The following PDS5B variants were observed in gnomAD, a reference collection of about 807,000 sequenced individuals.
PDS5B encodes the protein PDS5 cohesin associated factor B.
A neutral mutation model predicts 184.1 loss-of-function variants in PDS5B; 51 were observed. That is an observed-to-expected ratio of 0.28 (90% CI 0.22 to 0.35). The LOEUF (loss-of-function observed/expected upper bound fraction) is 0.35. Ranked by LOEUF, PDS5B falls within the 10% of genes least tolerant of loss-of-function variation. PDS5B has a pLI of 1.00. For synonymous variants in PDS5B, 566 were observed against 569.2 expected, an observed-to-expected ratio of 0.99 and a Z score of 0.08; for missense variants, 1,180 against 1,723.3, an observed-to-expected ratio of 0.68 and a Z score of 5.58.
At chr13:32,736,736 T>G (rs940378790) in intron 21 of PDS5B, among the ~76,000 whole-genome samples, 1 of 152,138 alleles carries the variant, frequency 6.6e-6, no homozygotes, top group East Asian at 1.9e-4. Context: ...ACTGCAGTTC[T>G]ATTAACACAC....
Position 32,741,419 on chromosome 13 carries a change from T to C in PDS5B, c.2475+271T>C, listed in dbSNP as rs558261675. Among the ~76,000 whole-genome samples, 61 of 152,292 alleles carry C rather than the reference T, an allele frequency of 4.0e-4. 2 individuals carry two copies. In the South Asian group the frequency reaches 0.011, roughly 28 times the overall value. On this transcript the variant is annotated intron_variant, in intron 22 of 34. Transcript: ENST00000315596. Reference sequence around the variant, plus strand: ...AGGCAGTGCTAGTTTTTATGGACTTTCCTCTGTTCTGTAAAGATGATAGTT... The same window carrying C: ...AGGCAGTGCTAGTTTTTATGGACTTCCCTCTGTTCTGTAAAGATGATAGTT...
Position 32,746,112 on chromosome 13 carries a change from G to C in PDS5B, c.2736+12G>C, listed in dbSNP as rs1379926160. On this transcript the variant is annotated intron_variant, in intron 24 of 34. Transcript: ENST00000315596. ...CATTAGCTATCAACGTAAGGAAATG[G>C]CTGTGTACAACTACTTTTTGAAGGT... 1 of 1,606,904 alleles carries C rather than the reference G, an allele frequency of 6.2e-7. No individual in the cohort carries two copies. The highest frequency in any genetic ancestry group is 1.7e-5 in the Admixed American group (1 of 59,440).
At chr13:32,737,412 C>G (rs1415110302) in intron 21 of PDS5B, among the ~76,000 whole-genome samples, 1 of 152,082 alleles carries the variant, frequency 6.6e-6, no homozygotes, top group East Asian at 1.9e-4. Context: ...TAATCTTGTT[C>G]TTCTAGCTCT....
chr13:32,635,022 T>TA (rs1282428244), intron 1 of PDS5B, among the ~76,000 whole-genome samples: 2 of 118,970 alleles, frequency 1.7e-5, no homozygotes, highest in East Asian at 2.2e-4. Flanking sequence ...TTTTTTTTTT[T>TA]AAAGAGGCCG....
chr13:32,643,803 A>C (rs1052696406), intron 1 of PDS5B, among the ~76,000 whole-genome samples: 3 of 152,168 alleles, frequency 2.0e-5, no homozygotes, highest in Non-Finnish European at 4.4e-5. Context: ...TGATGTTTGC[A>C]CAACAATAAA....
chr13:32,592,457 A>G (rs2057792268), intron 1 of PDS5B, among the ~76,000 whole-genome samples: 1 of 152,006 alleles, frequency 6.6e-6, no homozygotes, highest in East Asian at 1.9e-4. Flanking sequence ...GGGTTTCACC[A>G]TGCTGGCCAG....
Position 32,629,995 on chromosome 13 carries a change from A to G in PDS5B, c.-19-18759A>G, listed in dbSNP as rs1593288908. Among the ~76,000 whole-genome samples the G allele has an allele frequency of 1.3e-5, 2 of 152,216 alleles. 1 individual carries two copies. Among genetic ancestry groups the G allele is most frequent in the East Asian group, 3.8e-4 (2 of 5,200 alleles). ...CAAAAAGAAAAGAAAGAAGATACCC[A>G]ATTGCATTCAACTAACTGAAAGTGA... is the stretch of plus-strand genomic sequence containing the variant. On this transcript the variant is annotated intron_variant, in intron 1 of 34. Transcript: ENST00000315596.
intron 17 of PDS5B, among the ~76,000 whole-genome samples, chr13:32,706,480 T>C (rs753540248): frequency 2.0e-5 from 3 of 152,134 alleles, no homozygotes; most frequent in Non-Finnish European, 2.9e-5. Flanking sequence ...TAGGTATATT[T>C]CTGACTTTGA....
intron 6 of PDS5B, among the ~76,000 whole-genome samples, chr13:32,666,259 T>C (rs943981646): frequency 1.1e-4 from 16 of 152,060 alleles, no homozygotes; most frequent in Admixed American, 5.9e-4. Flanking sequence ...TTTATTTTTA[T>C]TGGAGACGGG....
At chr13:32,731,005 G>A (rs904600061) in intron 19 of PDS5B, among the ~76,000 whole-genome samples, 4 of 152,150 alleles carry the variant, frequency 2.6e-5, no homozygotes, top group Non-Finnish European at 5.9e-5. Context: ...TGGTGAGAGA[G>A]GGCATCCTTG....
intron 1 of PDS5B, among the ~76,000 whole-genome samples, chr13:32,614,455 G>C (rs1044675356): frequency 6.6e-6 from 1 of 151,996 alleles, no homozygotes; most frequent in African/African-American, 2.4e-5. Context: ...CTGCAACCAT[G>C]CCTGGCTAAT....
rs199814007 is a variant in PDS5B, at chr13:32,588,231, TAGC to T, written c.-20+1641_-20+1643del. Among the ~76,000 whole-genome samples, 7 of 152,340 alleles carry T rather than the reference TAGC, an allele frequency of 4.6e-5. No individual in the cohort carries two copies. The East Asian group carries it at 1.3e-3, about 29-fold the overall frequency. ...CAATTAATCTTGTATCTCATGGTGA[TAGC>T]AGAAAACCTAATTAAAATTTGTAGT... On this transcript the variant is annotated intron_variant, in intron 1 of 34. Coordinates refer to ENST00000315596, the MANE Select transcript of PDS5B (RefSeq NM_015032.4).
At chr13:32,716,665 G>A (rs1234024166) in intron 19 of PDS5B, among the ~76,000 whole-genome samples, 1 of 56,588 alleles carries the variant, frequency 1.8e-5, no homozygotes, top group Non-Finnish European at 5.1e-5. Flanking sequence ...GGAGGGAGGT[G>A]GGGGGGGTCA....
chr13:32,687,314 T>G, intron 12 of PDS5B, 29 bp downstream of exon 12: 1 of 1,447,560 alleles, frequency 6.9e-7, no homozygotes, highest in Non-Finnish European at 9.4e-7. Context: ...AAATATTTGG[T>G]GACTTTGAAT....
chr13:32,737,193 A>G (rs1251274492), intron 21 of PDS5B, among the ~76,000 whole-genome samples: 1 of 154 alleles, frequency 6.5e-3, no homozygotes, highest in Non-Finnish European at 0.013. Context: ...ATGTGGTTAT[A>G]TTCTTCCCAG....
rs1192763119 is a variant in PDS5B, at chr13:32,593,842, AAG to A, written c.-20+7258_-20+7259del. ...TGTTGTCTCGAGGGTGGCAAGGTGG[AAG>A]AGAGAGAGGAGGTGGAAGAGGAGGC... On this transcript the variant is annotated intron_variant, in intron 1 of 34. Coordinates refer to ENST00000315596, the MANE Select transcript of PDS5B (RefSeq NM_015032.4). 2.6e-5 allele frequency among the ~76,000 whole-genome samples: 4 copies of A among 152,236 alleles called. No individual in the cohort carries two copies. In the East Asian group the frequency reaches 5.8e-4, roughly 22 times the overall value.
At chr13:32,604,018 C>T (rs1226027141) in intron 1 of PDS5B, among the ~76,000 whole-genome samples, 1 of 152,168 alleles carries the variant, frequency 6.6e-6, no homozygotes, top group East Asian at 1.9e-4. Context: ...ATGTCATCTG[C>T]AAGCAGGGAC....
chr13:32,616,330 C>G (rs1240699862), intron 1 of PDS5B, among the ~76,000 whole-genome samples: 1 of 152,186 alleles, frequency 6.6e-6, no homozygotes, highest in Non-Finnish European at 1.5e-5. Context: ...GCTGGGATTA[C>G]AGGAGTGAGC....
At chr13:32,742,833 T>C (rs1263532909) in intron 23 of PDS5B, 106 bp downstream of exon 23, 3 of 1,008,764 alleles carry the variant, frequency 3.0e-6, no homozygotes, top group East Asian at 2.5e-5. Flanking sequence ...AAATTAGAAT[T>C]GCTTTGTACA....
Sources: allele counts gnomAD v4.1 joint callset (sites outside exome capture counted in the v4.1 genomes callset), GRCh38; gene constraint gnomAD v4.1.1; transcripts MANE v1.5; gene names NCBI Gene and HGNC (gene_info 2026-07-23, HGNC 2026-07-21).